MAST2: variants seen among roughly 807,000 people sequenced by gnomAD.
MAST2 encodes the protein microtubule-associated serine/threonine-protein kinase 2.
In MAST2, 70 loss-of-function variants were observed where a neutral mutation model predicts 147.4. The ratio of observed to expected loss-of-function variants is 0.47; its 90% confidence interval spans 0.39 to 0.58. The LOEUF (loss-of-function observed/expected upper bound fraction) is 0.58. Among genes scored for constraint, MAST2 ranks in the 20% least tolerant of loss-of-function variants. The pLI, the probability that MAST2 is intolerant of heterozygous loss-of-function variation, is 0.00. For missense variants in MAST2, 2,080 were observed against 2,302.3 expected, an observed-to-expected ratio of 0.90 and a Z score of 1.98; for synonymous variants, 869 against 896.8, an observed-to-expected ratio of 0.97 and a Z score of 0.55.
chr1:45,810,942 T>A (rs1458927284), intron 1 of MAST2, among the ~76,000 whole-genome samples: 1 of 136,860 alleles, frequency 7.3e-6, no homozygotes, highest in Non-Finnish European at 1.5e-5. Flanking sequence ...AACTTCCACC[T>A]CCCAGGTTCA....
intron 5 of MAST2, among the ~76,000 whole-genome samples, chr1:45,966,861 CTT>C (rs58072402): frequency 0.32 from 35,608 of 110,500 alleles, 5,204 homozygotes; most frequent in Middle Eastern, 0.4. Flanking sequence ...GGATCTGGGT[CTT>C]TTTTTTTTTT....
intron 3 of MAST2, among the ~76,000 whole-genome samples, chr1:45,830,004 G>A (rs941554708): frequency 1.1e-4 from 17 of 150,906 alleles, no homozygotes; most frequent in African/African-American, 3.7e-4. Flanking sequence ...ACAGGTGTGC[G>A]CCACCACCCC....
intron 4 of MAST2, among the ~76,000 whole-genome samples, chr1:45,907,278 A>C (rs762849230): frequency 6.6e-6 from 1 of 152,162 alleles, no homozygotes; most frequent in Non-Finnish European, 1.5e-5. Context: ...TTTTATAGTT[A>C]GTACTCACTC....
intron 5 of MAST2, among the ~76,000 whole-genome samples, chr1:45,996,298 T>A (rs1325472026): frequency 2.6e-5 from 4 of 152,086 alleles, no homozygotes; most frequent in Admixed American, 6.6e-5. Flanking sequence ...TGACTTTGCA[T>A]GTCAAGAATC....
chr1:46,028,764 C>G lies in MAST2; in HGVS notation c.2053-4C>G, dbSNP rs370216375. The G allele has an allele frequency of 2.0e-5, 32 of 1,614,054 alleles. No individual in the cohort carries two copies. The South Asian group carries it at 3.2e-4, about 16-fold the overall frequency. On this transcript the variant is annotated splice_polypyrimidine_tract_variant and splice_region_variant and intron_variant, in intron 17 of 28. Transcript: ENST00000361297. ...CTGAGCCAGCCTGGCTTTTCTGTGCCCAGGTATGCGGGACCCCAGAATACA... is the reference window on the plus strand; with the variant it reads ...CTGAGCCAGCCTGGCTTTTCTGTGCGCAGGTATGCGGGACCCCAGAATACA...
chr1:45,956,703 G>A (rs983229152), intron 4 of MAST2, among the ~76,000 whole-genome samples: 8 of 152,208 alleles, frequency 5.3e-5, no homozygotes, highest in Non-Finnish European at 8.8e-5. Flanking sequence ...GAAATCAAGT[G>A]TCACTATAGC....
chr1:46,000,362 C>T (rs182593257), intron 6 of MAST2, among the ~76,000 whole-genome samples: 92 of 152,252 alleles, frequency 6.0e-4, no homozygotes, highest in Non-Finnish European at 1.1e-3. Context: ...AGCCAGAGAA[C>T]CTCCACTGGG....
intron 3 of MAST2, among the ~76,000 whole-genome samples, chr1:45,838,300 A>C (rs1413265267): frequency 6.9e-6 from 1 of 144,636 alleles, no homozygotes; most frequent in Non-Finnish European, 1.5e-5. Context: ...GCTCACTGCA[A>C]CCTCCGCCTC....
Position 46,010,772 on chromosome 1 carries a change from T to C in MAST2, c.1021T>C (p.Ser341Pro). The change falls in exon 10 of 29, where the codon TCC becomes CCC. Residue 341 changes from serine (S) to proline (P), a missense_variant. Ser to Pro is a moderately conservative substitution (Grantham distance 74). Coordinates refer to ENST00000361297, the MANE Select transcript of MAST2 (RefSeq NM_015112.3). ...MEERLAEFIS[S>P]NTPDSVLPLA... ...AGAGCGACTAGCAGAGTTTATTTCC[T>C]CCAACACTCCAGACAGCGTGCTGCC... 1 of 1,614,074 alleles carries C rather than the reference T, an allele frequency of 6.2e-7. No individual in the cohort carries two copies. The highest frequency in any genetic ancestry group is 8.5e-7 in the Non-Finnish European group (1 of 1,180,012).
Position 45,869,297 on chromosome 1 carries a change from A to C in MAST2, c.469-13067A>C, listed in dbSNP as rs76727440. Among the ~76,000 whole-genome samples the C allele has an allele frequency of 2.9e-3, 448 of 152,302 alleles. 3 individuals are homozygous for C. The highest frequency in any genetic ancestry group is 0.021 in the East Asian group (108 of 5,178). ...CTCAGATCTTTAGAGTTCCTTGGCTATCTGGAGTCTGTGTTAACAATACAT... is the reference window on the plus strand; with the variant it reads ...CTCAGATCTTTAGAGTTCCTTGGCTCTCTGGAGTCTGTGTTAACAATACAT... On this transcript the variant is annotated intron_variant, in intron 3 of 28. Coordinates refer to ENST00000361297, the MANE Select transcript of MAST2 (RefSeq NM_015112.3).
chr1:45,934,060 TCCCTCCTCCCA>T lies in MAST2; in HGVS notation c.501-25319_501-25309del, dbSNP rs887457068. ...CCCAATAGGTAGTTTTTCAGTTCTCTCCCTCCTCCCACCCTCCACCCTGATGTAGGCCTTGG... is the reference window on the plus strand; with the variant it reads ...CCCAATAGGTAGTTTTTCAGTTCTCTCCCTCCACCCTGATGTAGGCCTTGG... On this transcript the variant is annotated intron_variant, in intron 4 of 28. Transcript: ENST00000361297. Among the ~76,000 whole-genome samples the T allele has an allele frequency of 5.5e-4, 83 of 152,210 alleles. No homozygotes were observed. In the East Asian group the frequency reaches 0.013, roughly 24 times the overall value.
At chr1:45,957,622 C>T (rs1343368747) in intron 4 of MAST2, among the ~76,000 whole-genome samples, 1 of 152,092 alleles carries the variant, frequency 6.6e-6, no homozygotes, top group African/African-American at 2.4e-5. Flanking sequence ...CCAACATGCC[C>T]AGCTATTTTT....
At chr1:46,027,557 ACAGC>A (rs1280426338) in intron 16 of MAST2, among the ~76,000 whole-genome samples, 170 bp from the exon 17 acceptor site, 1 of 152,220 alleles carries the variant, frequency 6.6e-6, no homozygotes, top group Admixed American at 6.5e-5. Flanking sequence ...CAGCACTCAC[ACAGC>A]CAGAGCGATT....
At chr1:45,958,456 T>C (rs1659952636) in intron 4 of MAST2, among the ~76,000 whole-genome samples, 1 of 151,978 alleles carries the variant, frequency 6.6e-6, no homozygotes, top group South Asian at 2.1e-4. Context: ...TTCACTTCCC[T>C]AGTTAGCACT....
At chr1:45,877,583 C>G (rs1646660538) in intron 3 of MAST2, among the ~76,000 whole-genome samples, 1 of 152,060 alleles carries the variant, frequency 6.6e-6, no homozygotes, top group African/African-American at 2.4e-5. Context: ...TGGACAAGAA[C>G]AATTTGAGAC....
intron 3 of MAST2, among the ~76,000 whole-genome samples, chr1:45,832,293 TTTTC>T (rs750613952): frequency 9.7e-4 from 147 of 151,180 alleles, no homozygotes; most frequent in Non-Finnish European, 1.6e-3. Context: ...TTTTCTTTTC[TTTTC>T]TTTCTTTCTT....
rs1646270432 is a variant in MAST2, at chr1:46,023,388, T to A, written c.1571+70T>A. ...GCCTTTGATCTCTTCCATGTGAGAGTGTATGCTGCCCAGTCCTCTGGGCAG... is the reference window on the plus strand; with the variant it reads ...GCCTTTGATCTCTTCCATGTGAGAGAGTATGCTGCCCAGTCCTCTGGGCAG... On this transcript the variant is annotated intron_variant, in intron 14 of 28. Transcript: ENST00000361297. This position sits in a 1 kb window ranked among gnomAD's most constrained non-coding sequence, Gnocchi z 4.9. The A allele has an allele frequency of 6.4e-6, 9 of 1,410,822 alleles. No individual in the cohort carries two copies. In the South Asian group the frequency reaches 9.2e-5, roughly 14 times the overall value. The allele number at this position is 1,410,822 out of a possible 1,614,324, so 87.4% of individuals were successfully genotyped here.
chr1:45,942,705 G>C (rs1187783650), intron 4 of MAST2, among the ~76,000 whole-genome samples: 1 of 152,142 alleles, frequency 6.6e-6, no homozygotes, highest in African/African-American at 2.4e-5. Context: ...GTAAATAAGG[G>C]TTTAGTAACA....
At chr1:45,964,158 G>T (rs571051561) in intron 5 of MAST2, among the ~76,000 whole-genome samples, 2 of 152,286 alleles carry the variant, frequency 1.3e-5, no homozygotes, top group South Asian at 2.1e-4. Context: ...GTTTATCAGG[G>T]ATATTGGTCT....
Sources: allele counts gnomAD v4.1 joint callset (sites outside exome capture counted in the v4.1 genomes callset), GRCh38; gene constraint gnomAD v4.1.1; non-coding constraint Gnocchi (gnomAD v3.1); transcripts MANE v1.5; gene names NCBI Gene and HGNC (gene_info 2026-07-23, HGNC 2026-07-21).